The following CDH4 variants were observed in gnomAD, a reference collection of about 807,000 sequenced individuals.
CDH4 encodes cadherin-4.
A neutral mutation model predicts 86.0 loss-of-function variants in CDH4; 33 were observed. The observed-to-expected ratio is 0.38, with a 90% CI of 0.29 to 0.51. The LOEUF (loss-of-function observed/expected upper bound fraction) is 0.51, where lower values mean the gene tolerates loss of function less well. CDH4 is among the 20% of genes least tolerant of loss of function. CDH4 has a pLI of 0.86. For missense variants in CDH4, 1,114 were observed against 1,307.4 expected (o/e 0.85, Z 2.28); for synonymous variants, 555 against 549.4 (o/e 1.01, Z -0.14).
intron 2 of CDH4, among the ~76,000 whole-genome samples, chr20:61,323,028 C>T (rs954301757): frequency 3.3e-5 from 5 of 152,194 alleles, no homozygotes; most frequent in African/African-American, 1.2e-4. Context: ...AGACTTCCAG[C>T]CAGCATCCAA....
At chr20:61,600,716 A>G (rs746771518) in intron 2 of CDH4, among the ~76,000 whole-genome samples, 9 of 152,256 alleles carry the variant, frequency 5.9e-5, no homozygotes, top group Non-Finnish European at 1.0e-4. Flanking sequence ...AGTAACCTAC[A>G]CACATCCTTT....
chr20:61,528,947 G>A (rs1431840695), intron 2 of CDH4, among the ~76,000 whole-genome samples: 3 of 151,870 alleles, frequency 2.0e-5, no homozygotes, highest in Non-Finnish European at 4.4e-5. Flanking sequence ...TGGGGAATTA[G>A]ACATTTTAGA....
At chr20:61,701,743 G>T (rs538407268) in intron 2 of CDH4, among the ~76,000 whole-genome samples, 2 of 152,376 alleles carry the variant, frequency 1.3e-5, no homozygotes, top group South Asian at 4.1e-4. Context: ...GGCTCACGCG[G>T]GGATCTCCCC....
intron 2 of CDH4, among the ~76,000 whole-genome samples, chr20:61,530,546 C>T (rs536027668): frequency 6.6e-6 from 1 of 152,226 alleles, no homozygotes; most frequent in African/African-American, 2.4e-5. Flanking sequence ...TCCCCTGGCT[C>T]CCCCAGAAAG....
At chr20:61,533,334 G>A (rs115657576) in intron 2 of CDH4, among the ~76,000 whole-genome samples, 3,927 of 152,314 alleles carry the variant, frequency 0.026, 170 homozygotes, top group African/African-American at 0.09. Context: ...AGGACTGCCC[G>A]CCAACTCCGA....
chr20:61,852,028 C>T lies in CDH4; in HGVS notation c.733-726C>T, dbSNP rs139533338. Among the ~76,000 whole-genome samples, 1,236 of 152,352 alleles carry T rather than the reference C, an allele frequency of 8.1e-3. 19 individuals carry two copies. Among genetic ancestry groups the T allele is most frequent in the African/African-American group, 0.028 (1,159 of 41,572 alleles). ...GTGACTCTGAGAAGCTCCTGCGGAA[C>T]CTTCCAGCCCAGATTCAGCTCTTCC... On this transcript the variant is annotated intron_variant, in intron 5 of 15. Coordinates refer to ENST00000614565, the MANE Select transcript of CDH4 (RefSeq NM_001794.5).
chr20:61,699,623 C>CA, intron 2 of CDH4, among the ~76,000 whole-genome samples: 1 of 152,226 alleles, frequency 6.6e-6, no homozygotes, highest in Admixed American at 6.5e-5. Flanking sequence ...GACATCACCC[C>CA]ACTCAACCTT....
chr20:61,511,990 C>T (rs1181170730), intron 2 of CDH4, among the ~76,000 whole-genome samples: 1 of 152,214 alleles, frequency 6.6e-6, no homozygotes, highest in Non-Finnish European at 1.5e-5. Flanking sequence ...TGCTGGGATC[C>T]TGAGATTTCA....
Position 61,544,609 on chromosome 20 carries a change from G to C in CDH4, c.170-198954G>C, listed in dbSNP as rs772448020. 6.6e-6 allele frequency among the ~76,000 whole-genome samples: 1 copy of C among 151,958 alleles called. No homozygotes were observed. Among genetic ancestry groups the C allele is most frequent in the Admixed American group, 6.5e-5 (1 of 15,270 alleles). ...ATGACCGTGTGTGATGGGATGTGCC[G>C]GGGGCAGACAGGGCCCACCAGACCC... On this transcript the variant is annotated intron_variant, in intron 2 of 15. Coordinates refer to ENST00000614565, the MANE Select transcript of CDH4 (RefSeq NM_001794.5). The surrounding 1 kb of genome is among the most constrained non-coding windows in gnomAD (Gnocchi z 6.5).
chr20:61,539,597 C>T (rs971279047), intron 2 of CDH4, among the ~76,000 whole-genome samples: 13 of 152,200 alleles, frequency 8.5e-5, no homozygotes, highest in African/African-American at 3.1e-4. Context: ...CCAAATACAG[C>T]CATGTTCTGA....
chr20:61,769,741 C>T (rs2088751956), intron 3 of CDH4, among the ~76,000 whole-genome samples: 1 of 152,216 alleles, frequency 6.6e-6, no homozygotes, highest in South Asian at 2.1e-4. Context: ...AGCATTTGGC[C>T]TGGAGCCTGG....
At chr20:61,649,294 C>A (rs2087097108) in intron 2 of CDH4, among the ~76,000 whole-genome samples, 1 of 152,206 alleles carries the variant, frequency 6.6e-6, no homozygotes, top group Non-Finnish European at 1.5e-5. Flanking sequence ...AGCCCAGGGT[C>A]AAGAGGAGCA....
intron 2 of CDH4, among the ~76,000 whole-genome samples, chr20:61,514,427 T>G (rs2085803767): frequency 6.6e-6 from 1 of 151,748 alleles, no homozygotes; most frequent in Admixed American, 6.6e-5. Flanking sequence ...AGATGTTATC[T>G]TGGGTTTCCA....
At chr20:61,279,909 C>T (rs562142439) in intron 2 of CDH4, among the ~76,000 whole-genome samples, 3 of 152,122 alleles carry the variant, frequency 2.0e-5, no homozygotes, top group African/African-American at 7.2e-5. Context: ...TACGGATACT[C>T]GGAGGGAAAG....
intron 7 of CDH4, among the ~76,000 whole-genome samples, chr20:61,883,760 A>G (rs1984404627): frequency 6.6e-6 from 1 of 151,946 alleles, no homozygotes; most frequent in African/African-American, 2.4e-5. Context: ...TGCTGGACTG[A>G]CGGGACCTCC....
At chr20:61,620,190 A>ATGGATGGATGGGTGGGTGGG (rs2086761227) in intron 2 of CDH4, among the ~76,000 whole-genome samples, 1 of 146,934 alleles carries the variant, frequency 6.8e-6, no homozygotes, top group African/African-American at 2.5e-5. Flanking sequence ...GGGTGGGTGG[A>ATGGATGGATGGGTGGGTGGG]TGGATGGATG....
At chr20:61,895,445 C>A (rs1464417131) in intron 8 of CDH4, among the ~76,000 whole-genome samples, 2 of 152,216 alleles carry the variant, frequency 1.3e-5, no homozygotes, top group African/African-American at 4.8e-5. Context: ...ACTTGGCTGA[C>A]CCTCTGTGGC....
At chr20:61,596,645 C>G (rs976356169) in intron 2 of CDH4, among the ~76,000 whole-genome samples, 1 of 152,302 alleles carries the variant, frequency 6.6e-6, no homozygotes, top group African/African-American at 2.4e-5. Context: ...AACACCAGCT[C>G]TGGTCTGGGT....
intron 4 of CDH4, among the ~76,000 whole-genome samples, chr20:61,785,756 C>G (rs1233791261): frequency 6.6e-6 from 1 of 152,228 alleles, no homozygotes; most frequent in African/African-American, 2.4e-5. Context: ...TTTCAAGGAG[C>G]CACCTGGAGA....
Sources: allele counts gnomAD v4.1 joint callset (sites outside exome capture counted in the v4.1 genomes callset), GRCh38; gene constraint gnomAD v4.1.1; non-coding constraint Gnocchi (gnomAD v3.1); transcripts MANE v1.5; gene names NCBI Gene and HGNC (gene_info 2026-07-23, HGNC 2026-07-21).